Variants in CDH13 observed in about 807,000 individuals in gnomAD.
CDH13 encodes cadherin 13.
Under a neutral mutation model 63.8 loss-of-function variants are expected in CDH13, and 24 were observed. The ratio of observed to expected loss-of-function variants is 0.38; its 90% CI spans 0.27 to 0.53. The LOEUF is 0.53. Among genes scored for constraint, CDH13 ranks in the 20% least tolerant of loss-of-function variants. The pLI is 0.85. For synonymous variants in CDH13, 503 were observed against 355.3 expected (o/e 1.42, Z -4.67); for missense variants, 1,049 against 903.1 (o/e 1.16, Z -2.07).
At chr16:83,127,902 C>T (rs1475419168) in intron 4 of CDH13, among the ~76,000 whole-genome samples, 1 of 152,156 alleles carries the variant, frequency 6.6e-6, no homozygotes, top group African/African-American at 2.4e-5. Flanking sequence ...AGCAGAGCTG[C>T]TCTAAAGGGA....
At chr16:83,522,716 T>G (rs1372083250) in intron 7 of CDH13, among the ~76,000 whole-genome samples, 1 of 152,104 alleles carries the variant, frequency 6.6e-6, no homozygotes, top group Non-Finnish European at 1.5e-5. Flanking sequence ...CCTGTCGGGG[T>G]CTGGCCATCT....
At chr16:83,175,821 C>CTTTTTTTTT (rs762355886) in intron 4 of CDH13, among the ~76,000 whole-genome samples, 3 of 90,010 alleles carry the variant, frequency 3.3e-5, no homozygotes, top group Non-Finnish European at 6.0e-5. Flanking sequence ...TTTCAACCTG[C>CTTTTTTTTT]TTTTTTTTTT....
chr16:83,565,131 A>C (rs35640691), intron 7 of CDH13, among the ~76,000 whole-genome samples: 53,524 of 151,834 alleles, frequency 0.35, 9,582 homozygotes, highest in Middle Eastern at 0.46. Flanking sequence ...GTAGTTCTCC[A>C]ATACTCTTCA....
chr16:83,566,395 T>A (rs1028803341), intron 7 of CDH13, among the ~76,000 whole-genome samples: 2 of 152,146 alleles, frequency 1.3e-5, no homozygotes, highest in Admixed American at 6.5e-5. Context: ...CAATCCCTTA[T>A]TCACTCCTGT....
At chr16:82,888,067 G>C (rs1330036537) in intron 2 of CDH13, among the ~76,000 whole-genome samples, 1 of 152,084 alleles carries the variant, frequency 6.6e-6, no homozygotes, top group African/African-American at 2.4e-5. Context: ...GGTGGGTTTT[G>C]TTTGTTTTTG....
intron 10 of CDH13, among the ~76,000 whole-genome samples, chr16:83,727,246 G>T (rs970234093): frequency 2.0e-4 from 30 of 151,206 alleles, no homozygotes; most frequent in African/African-American, 6.9e-4. Context: ...GCCTAGTACG[G>T]ACATTTCATC....
At chr16:83,741,510 GTGTGTATATATA>G (rs1194314433) in intron 10 of CDH13, among the ~76,000 whole-genome samples, 2 of 151,716 alleles carry the variant, frequency 1.3e-5, no homozygotes, top group East Asian at 1.9e-4. Context: ...ATGTGTGTGT[GTGTGTATATATA>G]TGTGTGTATA....
At chr16:83,769,052 C>T (rs1329048688) in intron 11 of CDH13, among the ~76,000 whole-genome samples, 6 of 152,152 alleles carry the variant, frequency 3.9e-5, no homozygotes, top group Non-Finnish European at 8.8e-5. Context: ...GGGAGGGAAC[C>T]TCAAAGCCAT....
At chr16:83,215,150 C>T (rs1040080353) in intron 4 of CDH13, among the ~76,000 whole-genome samples, 1 of 119,018 alleles carries the variant, frequency 8.4e-6, no homozygotes, top group Admixed American at 1.2e-4. Flanking sequence ...AATCCCAGCT[C>T]ACTGCAACCT....
At chr16:83,038,332 A>G (rs1917044660) in intron 3 of CDH13, among the ~76,000 whole-genome samples, 1 of 152,206 alleles carries the variant, frequency 6.6e-6, no homozygotes, top group South Asian at 2.1e-4. Context: ...ACTTAATTAT[A>G]GACTCACAAG....
intron 6 of CDH13, among the ~76,000 whole-genome samples, chr16:83,474,954 T>C (rs1183175952): frequency 6.6e-6 from 1 of 152,226 alleles, no homozygotes; most frequent in Non-Finnish European, 1.5e-5. Flanking sequence ...GCATGTGCAT[T>C]GTTGCCTGCG....
At chr16:83,039,896 C>G (rs555635481) in intron 3 of CDH13, among the ~76,000 whole-genome samples, 18 of 152,122 alleles carry the variant, frequency 1.2e-4, no homozygotes, top group Non-Finnish European at 2.4e-4. Flanking sequence ...TGCTTCAGAA[C>G]CAGCCAAGAT....
chr16:82,956,686 T>C (rs1906162362), intron 2 of CDH13, among the ~76,000 whole-genome samples: 2 of 152,200 alleles, frequency 1.3e-5, no homozygotes, highest in Admixed American at 1.3e-4. Flanking sequence ...AGCAGATGCT[T>C]GTGTTGAGCA....
At chr16:82,716,723 G>C (rs921521877) in intron 1 of CDH13, among the ~76,000 whole-genome samples, 3 of 151,198 alleles carry the variant, frequency 2.0e-5, no homozygotes, top group Non-Finnish European at 4.4e-5. Context: ...CAGGTTTCTG[G>C]AGGGGTTCAC....
intron 6 of CDH13, among the ~76,000 whole-genome samples, chr16:83,368,326 C>G (rs576356732): frequency 6.0e-4 from 92 of 152,222 alleles, no homozygotes; most frequent in African/African-American, 2.1e-3. Context: ...TGTTCCAAAT[C>G]CTCATCTATT....
At chr16:83,026,379 C>T (rs996020008) in intron 2 of CDH13, among the ~76,000 whole-genome samples, 1 of 152,172 alleles carries the variant, frequency 6.6e-6, no homozygotes, top group African/African-American at 2.4e-5. Context: ...CAGTCAATCT[C>T]TCTGAGACTC....
chr16:83,108,423 A>T (rs1459886172), intron 3 of CDH13, among the ~76,000 whole-genome samples: 4 of 152,234 alleles, frequency 2.6e-5, no homozygotes, highest in Non-Finnish European at 1.5e-5. Flanking sequence ...GTTATTGGAC[A>T]AAAAGGAATA....
intron 8 of CDH13, among the ~76,000 whole-genome samples, chr16:83,652,538 C>G (rs187097690): frequency 6.6e-6 from 1 of 152,196 alleles, no homozygotes; most frequent in Admixed American, 6.5e-5. Flanking sequence ...CGTGGTTTAG[C>G]CAAAGGTTTT....
rs1567569800 is a variant in CDH13 at position 83,748,174 on chromosome 16, C to A, written c.1605C>A (p.Thr535=). The change falls in exon 11 of 14, where the codon ACC becomes ACA. Residue 535 remains threonine (T), a synonymous_variant. Transcript: ENST00000567109. ...NINPINGTVD[T]TAVLDRESPF... is the part of the protein sequence containing the mutation. ...ACCCCATCAATGGGACTGTTGACAC[C>A]ACAGCTGTGCTGGACCGTGAGTCCC... 6.2e-7 allele frequency: 1 copy of A among 1,613,722 alleles called. No homozygotes were observed. The highest frequency in any genetic ancestry group is 8.5e-7 in the Non-Finnish European group (1 of 1,179,774).
Sources: gnomAD v4.1 joint callset for allele counts (sites outside exome capture counted in the v4.1 genomes callset) on GRCh38, gnomAD v4.1.1 for gene constraint, MANE v1.5 for transcripts, NCBI Gene and HGNC (gene_info 2026-07-23, HGNC 2026-07-21) for gene names.